Variants in CCDC39 observed in about 807,000 individuals in gnomAD.
CCDC39 encodes coiled-coil domain-containing protein 39.
CCDC39 carries 113 observed loss-of-function variants against 121.0 expected under a neutral mutation model. The observed-to-expected ratio is 0.93, with a 90% CI of 0.80 to 1.09. The LOEUF (loss-of-function observed/expected upper bound fraction) is 1.09, where lower values mean the gene tolerates loss of function less well. Among genes scored for constraint, CCDC39 ranks in the 50% least tolerant of loss-of-function variants. The pLI is 0.00. For missense variants in CCDC39, 1,063 were observed against 1,074.7 expected, an observed-to-expected ratio of 0.99 and a Z score of 0.15; for synonymous variants, 349 against 352.2, an observed-to-expected ratio of 0.99 and a Z score of 0.10.
chr3:180,673,537 T>C (rs1018610427), intron 1 of CCDC39, among the ~76,000 whole-genome samples: 4 of 152,194 alleles, frequency 2.6e-5, no homozygotes, highest in African/African-American at 9.7e-5. Flanking sequence ...TTTTGAATTT[T>C]TTATTGAACA....
Position 180,619,008 on chromosome 3 carries a change from A to G in CCDC39, c.2265+251T>C, listed in dbSNP as rs188924424. Among the ~76,000 whole-genome samples, 512 of 152,266 alleles carry G rather than the reference A, an allele frequency of 3.4e-3. 3 individuals are homozygous for G. Among genetic ancestry groups the G allele is most frequent in the Admixed American group, 7.5e-3 (114 of 15,276 alleles). ...TTAAAGGATTAATGGGTAGATCATA[A>G]TAACTATGACCTACCAACTAATAAC... On this transcript the variant is annotated intron_variant, in intron 16 of 19. Coordinates refer to ENST00000476379, the MANE Select transcript of CCDC39 (RefSeq NM_181426.2).
chr3:180,635,822 T>C (rs557521331), intron 13 of CCDC39, among the ~76,000 whole-genome samples: 2 of 152,274 alleles, frequency 1.3e-5, no homozygotes, highest in African/African-American at 4.8e-5. Flanking sequence ...ATAAATCTGA[T>C]TCATCACATA....
chr3:180,634,442 C>G (rs1717778716), intron 13 of CCDC39, among the ~76,000 whole-genome samples: 1 of 152,196 alleles, frequency 6.6e-6, no homozygotes, highest in Non-Finnish European at 1.5e-5. Context: ...CACAGACTAC[C>G]TCATCCTGGG....
rs544311014 is a variant in CCDC39, at chr3:180,659,520, T to C, written c.670A>G (p.Ile224Val). The C allele has an allele frequency of 4.2e-5, 67 of 1,613,448 alleles. No individual in the cohort carries two copies. The South Asian group carries it at 6.4e-4, about 15-fold the overall frequency. Residue 224 changes from isoleucine to valine, a missense_variant, in exon 6 of 20, where the codon ATT becomes GTT. By Grantham distance (29) the Ile-to-Val change is conservative. Transcript: ENST00000476379. ...TCTATTGTGTTCTCCCATTGTTTAA[T>C]GAGTTCTTGTCTTTCATTATGAATC... is the stretch of plus-strand genomic sequence containing the variant. ...RKIHNERQELIKQWENTIEQM... is the reference protein window; with the variant it reads ...RKIHNERQELVKQWENTIEQM...
In CCDC39 at chr3:180,614,630, A is replaced by G. The variant is rs1046037277; in HGVS notation, c.*291T>C. On this transcript the variant is annotated 3_prime_UTR_variant, in exon 20 of 20. Transcript: ENST00000476379. ...GAAGTGAGTGTAGTTTCGTGAAATAATGAAGCAAACTATTTTCTAACACTA... is the reference window on the plus strand; with the variant it reads ...GAAGTGAGTGTAGTTTCGTGAAATAGTGAAGCAAACTATTTTCTAACACTA... 5 of 279,482 alleles carry G rather than the reference A, an allele frequency of 1.8e-5. No homozygotes were observed. Among genetic ancestry groups the G allele is most frequent in the African/African-American group, 6.8e-5 (3 of 44,306 alleles). The allele number at this position is 279,482 out of a possible 1,614,324, so 17.3% of individuals were successfully genotyped here.
chr3:180,644,434 C>T (rs1175988859), intron 11 of CCDC39, among the ~76,000 whole-genome samples, 177 bp from the exon 12 acceptor site: 1 of 152,080 alleles, frequency 6.6e-6, no homozygotes, highest in Non-Finnish European at 1.5e-5. Context: ...TGGATAGTCA[C>T]ATAGAAACAT....
intron 8 of CCDC39, among the ~76,000 whole-genome samples, chr3:180,651,800 G>C (rs1465942870): frequency 1.3e-5 from 2 of 152,182 alleles, no homozygotes; most frequent in Non-Finnish European, 2.9e-5. Flanking sequence ...CACTTTGGGA[G>C]GCCAAGGCGG....
intron 11 of CCDC39, among the ~76,000 whole-genome samples, chr3:180,645,982 C>T (rs1718059194): frequency 6.6e-6 from 1 of 152,082 alleles, no homozygotes; most frequent in East Asian, 1.9e-4. Context: ...ATACCATTCT[C>T]ATATTCTAAA....
At chr3:180,656,818 A>G (rs539161333) in intron 6 of CCDC39, among the ~76,000 whole-genome samples, 1 of 152,338 alleles carries the variant, frequency 6.6e-6, no homozygotes, top group South Asian at 2.1e-4. Context: ...CTGCTAAAAG[A>G]CACTCCCACC....
chr3:180,679,301 A>T lies in CCDC39; in HGVS notation c.80T>A (p.Leu27Gln), dbSNP rs1307387560. 1 of 1,613,638 alleles carries T rather than the reference A, an allele frequency of 6.2e-7. No individual in the cohort carries two copies. Among genetic ancestry groups the T allele is most frequent in the South Asian group, 1.1e-5 (1 of 91,074 alleles). Residue 27 changes from leucine to glutamine, a missense_variant, in exon 1 of 20, where the codon CTG becomes CAG. Coordinates refer to ENST00000476379, the MANE Select transcript of CCDC39 (RefSeq NM_181426.2). This position sits in a 1 kb window ranked among gnomAD's most constrained non-coding sequence, Gnocchi z 4.0. Reference protein sequence around the residue: ...IPVANEENKLLEDQLSKLKDE... With the variant: ...IPVANEENKLQEDQLSKLKDE... Reference sequence around the variant, plus strand: ...TTCAATTGATCTCACCTGATCTTCCAGTAGCTTGTTCTCCTCGTTCGCCAC... The same window carrying T: ...TTCAATTGATCTCACCTGATCTTCCTGTAGCTTGTTCTCCTCGTTCGCCAC...
rs1365118715 is a variant in CCDC39 at position 180,631,502 on chromosome 3, T to C, written c.1965A>G (p.Glu655=). Reference sequence around the variant, plus strand: ...CATAATAGGCCTGTGTTTTCTCCTCTTCTCCTTCAGGAGGCAGCATAACAA... The same window carrying C: ...CATAATAGGCCTGTGTTTTCTCCTCCTCTCCTTCAGGAGGCAGCATAACAA... ...LTVVMLPPEG[E]EEKTQAYYVI... Residue 655 remains glutamate, a synonymous_variant, in exon 14 of 20, where the codon GAA becomes GAG. Transcript: ENST00000476379. 1 of 1,607,644 alleles carries C rather than the reference T, an allele frequency of 6.2e-7. No individual in the cohort carries two copies. Among genetic ancestry groups the C allele is most frequent in the African/African-American group, 1.3e-5 (1 of 74,926 alleles).
At position 180,647,147 on chromosome 3, in the gene CCDC39, G is replaced by C. The variant is rs200651695; in HGVS notation, c.1459C>G (p.Leu487Val). 1,455 of 1,611,502 alleles carry C rather than the reference G, an allele frequency of 9.0e-4. 14 individuals are homozygous for C. In the South Asian group the frequency reaches 0.014, roughly 16 times the overall value. The change falls in exon 11 of 20, where the codon CTT becomes GTT. Residue 487 changes from leucine (L) to valine (V), a missense_variant. Transcript: ENST00000476379. The part of the protein sequence containing the change: ...KQALEAKIVE[L>V]RKSLEEKKST... ...TTTTTCTCTTCCAAAGACTTCCTAAGTTCAACAATTTTTGCTTCAAGCGCT... is the reference window on the plus strand; with the variant it reads ...TTTTTCTCTTCCAAAGACTTCCTAACTTCAACAATTTTTGCTTCAAGCGCT...
rs1384221905 is a variant in CCDC39, at chr3:180,677,201, T to TACAC, written c.90+2089_90+2090insGTGT. ...ATATATATATATATATATATATATA[T>TACAC]ATATATATATATATAAAATCACAGT... On this transcript the variant is annotated intron_variant, in intron 1 of 19. Coordinates refer to ENST00000476379, the MANE Select transcript of CCDC39 (RefSeq NM_181426.2). Among the ~76,000 whole-genome samples, 117 of 104,294 alleles carry TACAC rather than the reference T, an allele frequency of 1.1e-3. 4 individuals carry two copies. The highest frequency in any genetic ancestry group is 4.8e-3 in the South Asian group (16 of 3,308). 68.4% of individuals were successfully genotyped at this position (104,294 alleles called of 152,430 possible).
rs1218695387 is a variant in CCDC39, at chr3:180,641,859, A to G, written c.1874+134T>C. ...TAGATTTATGGCTATAACATGCCCT[A>G]TGTCTTTCTTATATGAAAAGCCATT... On this transcript the variant is annotated intron_variant, in intron 13 of 19. Coordinates refer to ENST00000476379, the MANE Select transcript of CCDC39 (RefSeq NM_181426.2). 4 of 547,538 alleles carry G rather than the reference A, an allele frequency of 7.3e-6. No homozygotes were observed. The African/African-American group carries it at 7.6e-5, about 10-fold the overall frequency. The allele number at this position is 547,538 out of a possible 1,614,324, so 33.9% of individuals were successfully genotyped here.
At chr3:180,632,329 T>C (rs1024238294) in intron 13 of CCDC39, among the ~76,000 whole-genome samples, 1 of 152,222 alleles carries the variant, frequency 6.6e-6, no homozygotes, top group African/African-American at 2.4e-5. Context: ...AACTTAATAC[T>C]AGTAATCTTA....
intron 1 of CCDC39, among the ~76,000 whole-genome samples, chr3:180,665,939 G>T (rs1333598232): frequency 1.3e-5 from 2 of 152,084 alleles, no homozygotes; most frequent in Non-Finnish European, 1.5e-5. Context: ...CAGCATTTTA[G>T]GGATTATAAT....
intron 1 of CCDC39, among the ~76,000 whole-genome samples, chr3:180,677,164 A>T (rs1560097158): frequency 4.6e-5 from 4 of 86,474 alleles, no homozygotes; most frequent in Non-Finnish European, 6.2e-5. Flanking sequence ...TAATAATAAT[A>T]ATTTTATATA....
chr3:180,642,497 A>G (rs1717979573), intron 12 of CCDC39, among the ~76,000 whole-genome samples: 1 of 152,146 alleles, frequency 6.6e-6, no homozygotes, highest in South Asian at 2.1e-4. Context: ...AAAAAACATA[A>G]AGCCCTATGA....
intron 1 of CCDC39, among the ~76,000 whole-genome samples, chr3:180,671,361 T>C (rs1712043431): frequency 6.6e-6 from 1 of 152,156 alleles, no homozygotes; most frequent in South Asian, 2.1e-4. Context: ...ACTGCAAAAC[T>C]GCCTCTGAGC....
Sources: allele counts gnomAD v4.1 joint callset (sites outside exome capture counted in the v4.1 genomes callset), GRCh38; gene constraint gnomAD v4.1.1; non-coding constraint Gnocchi (gnomAD v3.1); transcripts MANE v1.5; gene names NCBI Gene and HGNC (gene_info 2026-07-23, HGNC 2026-07-21).